KALRN: variants seen among roughly 807,000 people sequenced by gnomAD.
KALRN encodes kalirin.
KALRN carries 70 observed loss-of-function variants against 353.7 expected under a neutral mutation model. The observed-to-expected ratio is 0.20, with a 90% CI of 0.16 to 0.24. The LOEUF (loss-of-function observed/expected upper bound fraction) is 0.24, where lower values mean the gene tolerates loss of function less well. Ranked by LOEUF, KALRN falls within the 10% of genes least tolerant of loss-of-function variation. The probability of loss-of-function intolerance (pLI) is 1.00; values close to 1 mark genes in which losing one functional copy is unlikely to be tolerated. For missense variants in KALRN, 2,791 were observed against 3,756.7 expected (o/e 0.74, Z 6.72); for synonymous variants, 1,391 against 1,434.8 (o/e 0.97, Z 0.69).
At chr3:124,683,640 G>A (rs1322223590) in intron 51 of KALRN, among the ~76,000 whole-genome samples, 1 of 152,202 alleles carries the variant, frequency 6.6e-6, no homozygotes, top group Non-Finnish European at 1.5e-5. Flanking sequence ...CAGAGTGAGA[G>A]GTTGTCATCA....
intron 1 of KALRN, among the ~76,000 whole-genome samples, chr3:124,212,112 A>G (rs923588874): frequency 4.6e-5 from 7 of 152,182 alleles, no homozygotes; most frequent in African/African-American, 1.7e-4. Flanking sequence ...AGAGAAGTGG[A>G]TTCATACAGT....
intron 18 of KALRN, among the ~76,000 whole-genome samples, chr3:124,440,561 G>T (rs2093635043): frequency 1.3e-5 from 2 of 151,206 alleles, no homozygotes; most frequent in African/African-American, 4.8e-5. Context: ...TGCCTTTGTT[G>T]CTAATTTTTT....
chr3:124,703,867 A>G (rs1291840803), intron 57 of KALRN, among the ~76,000 whole-genome samples: 1 of 138,030 alleles, frequency 7.2e-6, no homozygotes, highest in Non-Finnish European at 1.6e-5. Context: ...TGGAGTTCTC[A>G]CTATGTTGCC....
At position 124,228,074 on chromosome 3, in the gene KALRN, T is replaced by A; in HGVS notation, c.148+10T>A. The A allele has an allele frequency of 1.2e-6, 2 of 1,607,636 alleles. No homozygotes were observed. The highest frequency in any genetic ancestry group is 1.7e-6 in the Non-Finnish European group (2 of 1,174,186). On this transcript the variant is annotated intron_variant, in intron 2 of 59. Transcript: ENST00000682506. ...GTGGCCTTCGTGTCTGGTGAGTATT[T>A]GTGGGACTTTCTTTTGTAAAGGACC...
At chr3:124,081,254 A>G (rs2060528229) in intron 1 of KALRN, among the ~76,000 whole-genome samples, 1 of 152,186 alleles carries the variant, frequency 6.6e-6, no homozygotes, top group Admixed American at 6.5e-5. Context: ...TTAATGAGCA[A>G]TGTGTTTATG....
intron 33 of KALRN, among the ~76,000 whole-genome samples, chr3:124,560,350 G>A (rs1284483462): frequency 6.6e-6 from 1 of 152,256 alleles, no homozygotes; most frequent in Admixed American, 6.5e-5. Context: ...TGGTCGCAGA[G>A]GAGCAGCTCT....
At chr3:124,237,230 G>T (rs12635125) in intron 3 of KALRN, among the ~76,000 whole-genome samples, 14,115 of 152,282 alleles carry the variant, frequency 0.093, 1,831 homozygotes, top group East Asian at 0.64. Flanking sequence ...GTTAGACTCA[G>T]TAGATGATAC....
intron 1 of KALRN, among the ~76,000 whole-genome samples, chr3:124,038,905 T>C (rs1466128021): frequency 6.6e-6 from 1 of 152,240 alleles, no homozygotes; most frequent in Non-Finnish European, 1.5e-5. Context: ...TTGAATTATC[T>C]TTCATAGTTA....
intron 33 of KALRN, among the ~76,000 whole-genome samples, chr3:124,555,895 A>G (rs1401594074): frequency 6.6e-6 from 1 of 152,224 alleles, no homozygotes; most frequent in East Asian, 1.9e-4. Flanking sequence ...AAACAAGGCA[A>G]CACATTAATG....
intron 15 of KALRN, among the ~76,000 whole-genome samples, chr3:124,423,743 T>G (rs1253509234): frequency 6.6e-6 from 1 of 152,208 alleles, no homozygotes; most frequent in African/African-American, 2.4e-5. Context: ...TGGTGGCACA[T>G]GCCTGTGGTC....
At chr3:124,444,945 A>G (rs1162054828) in intron 19 of KALRN, among the ~76,000 whole-genome samples, 4 of 152,220 alleles carry the variant, frequency 2.6e-5, no homozygotes, top group Admixed American at 6.5e-5. Context: ...TGAAAAGTAC[A>G]TAAAATCAAC....
chr3:124,095,445 A>G (rs2061384005), intron 1 of KALRN, among the ~76,000 whole-genome samples: 1 of 152,188 alleles, frequency 6.6e-6, no homozygotes, highest in African/African-American at 2.4e-5. Flanking sequence ...TGTAAAATAT[A>G]TAACATCATA....
intron 21 of KALRN, among the ~76,000 whole-genome samples, chr3:124,448,262 T>G (rs930731701): frequency 1.3e-5 from 2 of 152,200 alleles, no homozygotes; most frequent in Non-Finnish European, 2.9e-5. Flanking sequence ...TGTAGTAGCT[T>G]CCTAATTTGA....
Position 124,456,870 on chromosome 3 carries a change from G to T in KALRN, c.3854+142G>T, listed in dbSNP as rs908220479. 2.5e-5 allele frequency: 14 copies of T among 559,988 alleles called. 1 individual carries two copies. The South Asian group carries it at 3.0e-4, about 12-fold the overall frequency. 34.7% of individuals were successfully genotyped at this position (559,988 alleles called of 1,614,324 possible). ...TGGACAGACATAATGTTTGCATTGA[G>T]AATATGGGTTCCCTCTGAAGGCTTT... On this transcript the variant is annotated intron_variant, in intron 23 of 59. Transcript: ENST00000682506.
At chr3:124,430,900 TC>T in intron 16 of KALRN, 125 bp downstream of exon 16, 1 of 1,187,124 alleles carries the variant, frequency 8.4e-7, no homozygotes. Flanking sequence ...AGTAGAATGG[TC>T]CAGGGAGCCT....
chr3:124,565,176 G>T (rs1292100133), intron 34 of KALRN, among the ~76,000 whole-genome samples: 2 of 152,178 alleles, frequency 1.3e-5, no homozygotes, highest in African/African-American at 2.4e-5. Context: ...GCCTTCCAGG[G>T]TTTTTTCCAC....
intron 34 of KALRN, among the ~76,000 whole-genome samples, chr3:124,599,856 A>C (rs1223821587): frequency 1.3e-5 from 2 of 152,192 alleles, no homozygotes; most frequent in African/African-American, 4.8e-5. Flanking sequence ...TTTAACTTAC[A>C]GCTTCACCAC....
At chr3:124,582,727 G>A (rs923739328) in intron 34 of KALRN, among the ~76,000 whole-genome samples, 4 of 148,682 alleles carry the variant, frequency 2.7e-5, no homozygotes, top group African/African-American at 9.9e-5. Context: ...ATCATTTACT[G>A]GTATCCCAAC....
chr3:124,517,533 T>G (rs971265294), intron 33 of KALRN, among the ~76,000 whole-genome samples: 3 of 152,236 alleles, frequency 2.0e-5, no homozygotes, highest in African/African-American at 7.2e-5. Flanking sequence ...ATATCACTCT[T>G]CCAAGAGCAT....
Sources: gnomAD v4.1 joint callset for allele counts (sites outside exome capture counted in the v4.1 genomes callset) on GRCh38, gnomAD v4.1.1 for gene constraint, MANE v1.5 for transcripts, NCBI Gene and HGNC (gene_info 2026-07-23, HGNC 2026-07-21) for gene names.